The following PAK5 variants were observed in gnomAD, a reference collection of about 807,000 sequenced individuals.
The protein encoded by PAK5 is serine/threonine-protein kinase PAK 5.
Under a neutral mutation model 65.9 loss-of-function variants are expected in PAK5, and 16 were observed. That is an observed-to-expected ratio of 0.24 (90% CI 0.16 to 0.37). The LOEUF is 0.37. Ranked by LOEUF, PAK5 falls within the 10% of genes least tolerant of loss-of-function variation. PAK5 has a pLI of 1.00. For missense variants in PAK5, 785 were observed against 903.9 expected (o/e 0.87, Z 1.69); for synonymous variants, 371 against 354.9 (o/e 1.05, Z -0.51).
intron 1 of PAK5, among the ~76,000 whole-genome samples, chr20:9,835,767 T>C (rs1979099749): frequency 6.6e-6 from 1 of 152,076 alleles, no homozygotes. Context: ...ATGTGGAGGG[T>C]CAAGGGAAAG....
intron 3 of PAK5, among the ~76,000 whole-genome samples, chr20:9,623,102 C>G (rs1244855954): frequency 6.6e-6 from 1 of 152,104 alleles, no homozygotes; most frequent in Non-Finnish European, 1.5e-5. Flanking sequence ...TTCAAAGTCT[C>G]TGTGTCACAA....
At chr20:9,603,380 T>G (rs2046394239) in intron 3 of PAK5, among the ~76,000 whole-genome samples, 1 of 152,178 alleles carries the variant, frequency 6.6e-6, no homozygotes, top group Admixed American at 6.5e-5. Flanking sequence ...TTCTTCCCGC[T>G]TCTGTGAATC....
At chr20:9,602,554 G>A (rs746991583) in intron 3 of PAK5, among the ~76,000 whole-genome samples, 2 of 152,116 alleles carry the variant, frequency 1.3e-5, no homozygotes, top group African/African-American at 4.8e-5. Context: ...GTCAGTTTCT[G>A]AGAATCTAAA....
intron 3 of PAK5, among the ~76,000 whole-genome samples, chr20:9,584,439 A>G (rs2046033282): frequency 6.6e-6 from 1 of 152,138 alleles, no homozygotes; most frequent in Admixed American, 6.5e-5. Flanking sequence ...CAGCCTCCCC[A>G]GTAGCTGGGA....
intron 3 of PAK5, among the ~76,000 whole-genome samples, chr20:9,627,970 C>T (rs538890242): frequency 1.3e-4 from 20 of 152,192 alleles, no homozygotes; most frequent in East Asian, 3.9e-4. Flanking sequence ...CACACTTGTA[C>T]GGTTTAGAGA....
chr20:9,830,863 A>C (rs1978656206), intron 1 of PAK5, among the ~76,000 whole-genome samples: 2 of 152,314 alleles, frequency 1.3e-5, no homozygotes, highest in South Asian at 4.1e-4. Context: ...ATGCAAAGAG[A>C]GGGATGAGTG....
chr20:9,653,762 T>C (rs6039536), intron 2 of PAK5, among the ~76,000 whole-genome samples: 145,141 of 152,192 alleles, frequency 0.95, 69,238 homozygotes, highest in East Asian at 1. Context: ...TTCTGGAGGT[T>C]GGAAGTATAA....
intron 1 of PAK5, among the ~76,000 whole-genome samples, chr20:9,764,239 A>C (rs1478776594): frequency 6.6e-6 from 1 of 152,178 alleles, no homozygotes; most frequent in Non-Finnish European, 1.5e-5. Context: ...AGATTTTTCA[A>C]GACAGCTCTA....
intron 3 of PAK5, among the ~76,000 whole-genome samples, chr20:9,596,706 GCCCAGACTGCA>G (rs2046276213): frequency 6.8e-6 from 1 of 146,620 alleles, no homozygotes; most frequent in Non-Finnish European, 1.5e-5. Flanking sequence ...AAATCCTTTA[GCCCAGACTGCA>G]CCCAAGAGCA....
At chr20:9,674,445 T>C (rs1177617561) in intron 2 of PAK5, among the ~76,000 whole-genome samples, 1 of 152,244 alleles carries the variant, frequency 6.6e-6, no homozygotes, top group Non-Finnish European at 1.5e-5. Context: ...AGCTTTCTTA[T>C]ATGTTTCCCT....
In PAK5 at chr20:9,553,719, A is replaced by G. The variant is rs551443659; in HGVS notation, c.1743+3889T>C. On this transcript the variant is annotated intron_variant, in intron 7 of 9. Transcript: ENST00000353224. The stretch of plus-strand genomic sequence containing the variant: ...TGTTAAGTGGTATTCCATGACATGG[A>G]TATATTAATACTATTTGTTTAATCA... 8.5e-5 allele frequency among the ~76,000 whole-genome samples: 13 copies of G among 152,248 alleles called. No individual in the cohort carries two copies. The East Asian group carries it at 2.5e-3, about 29-fold the overall frequency.
chr20:9,645,990 T>C (rs749217954), intron 2 of PAK5, among the ~76,000 whole-genome samples: 1 of 152,246 alleles, frequency 6.6e-6, no homozygotes, highest in Non-Finnish European at 1.5e-5. Context: ...ACTACTAGAA[T>C]GTAAGATCCA....
rs145875298 is a variant in PAK5, at chr20:9,819,701, C to T, written c.-162+19061G>A. Among the ~76,000 whole-genome samples the T allele has an allele frequency of 3.5e-3, 529 of 152,176 alleles. 3 individuals carry two copies. The highest frequency in any genetic ancestry group is 0.012 in the African/African-American group (485 of 41,522). ...AAAGTAACTCCACTCTGATTTCTGA[C>T]TCTAGGGGTGGGTTTGGACCCAGGT... On this transcript the variant is annotated intron_variant, in intron 1 of 9. Coordinates refer to ENST00000353224, the MANE Select transcript of PAK5 (RefSeq NM_177990.4).
intron 1 of PAK5, among the ~76,000 whole-genome samples, chr20:9,752,327 T>C (rs562642979): frequency 8.5e-4 from 129 of 152,038 alleles, no homozygotes; most frequent in Non-Finnish European, 1.4e-3. Context: ...CTCTTAGACC[T>C]CAGAAAGGAG....
intron 9 of PAK5, among the ~76,000 whole-genome samples, chr20:9,541,974 G>A (rs1037569627): frequency 2.0e-5 from 3 of 152,086 alleles, no homozygotes; most frequent in Non-Finnish European, 4.4e-5. Flanking sequence ...GCCTCTCCAG[G>A]CATGTGGAAC....
At chr20:9,540,183 C>T (rs1312502883) in intron 9 of PAK5, among the ~76,000 whole-genome samples, 2 of 152,176 alleles carry the variant, frequency 1.3e-5, no homozygotes, top group Non-Finnish European at 2.9e-5. Flanking sequence ...CTCAAATGAT[C>T]CTCCCACCTC....
chr20:9,574,759 A>T (rs1279508639), intron 4 of PAK5, among the ~76,000 whole-genome samples: 1 of 152,214 alleles, frequency 6.6e-6, no homozygotes, highest in African/African-American at 2.4e-5. Flanking sequence ...CAGTCCTTGG[A>T]TGTTTTATGA....
intron 1 of PAK5, among the ~76,000 whole-genome samples, chr20:9,715,446 T>C (rs1452455672): frequency 1.3e-5 from 2 of 152,170 alleles, no homozygotes; most frequent in African/African-American, 2.4e-5. Context: ...ACACTGTTGG[T>C]GGGACTGTAA....
chr20:9,794,127 T>TG (rs907574540), intron 1 of PAK5, among the ~76,000 whole-genome samples: 6 of 141,690 alleles, frequency 4.2e-5, no homozygotes, highest in Non-Finnish European at 9.0e-5. Context: ...AGTTGAACAA[T>TG]GAGAACACAT....
Sources: gnomAD v4.1 joint callset for allele counts (sites outside exome capture counted in the v4.1 genomes callset) on GRCh38, gnomAD v4.1.1 for gene constraint, MANE v1.5 for transcripts, NCBI Gene and HGNC (gene_info 2026-07-23, HGNC 2026-07-21) for gene names.